Variants in TWIST2 observed in about 807,000 individuals in gnomAD.
TWIST2 encodes twist-related protein 2.
TWIST2 carries 1 observed loss-of-function variant against 11.6 expected under a neutral mutation model. That is an observed-to-expected ratio of 0.09 (90% CI 0.03 to 0.41). TWIST2 has a LOEUF of 0.41. Among genes scored for constraint, TWIST2 ranks in the 10% least tolerant of loss-of-function variants. The pLI is 0.98. For synonymous variants in TWIST2, 87 were observed against 96.6 expected (o/e 0.90, Z 0.58); for missense variants, 168 against 226.4 (o/e 0.74, Z 1.66).
intron 1 of TWIST2, among the ~76,000 whole-genome samples, chr2:238,899,481 G>A (rs1331561449): frequency 2.6e-5 from 4 of 152,208 alleles, no homozygotes; most frequent in Non-Finnish European, 5.9e-5. Context: ...TGGAAACTGA[G>A]AGCTGGACAG....
chr2:238,878,365 T>C (rs914123173), intron 1 of TWIST2, among the ~76,000 whole-genome samples: 1 of 152,186 alleles, frequency 6.6e-6, no homozygotes, highest in African/African-American at 2.4e-5. Context: ...TTTCCTACAA[T>C]TTTCTAATCT....
At chr2:238,880,776 TGTTA>T (rs1692906452) in intron 1 of TWIST2, among the ~76,000 whole-genome samples, 1 of 120,314 alleles carries the variant, frequency 8.3e-6, no homozygotes, top group African/African-American at 3.3e-5. Context: ...TTAGTGTCAG[TGTTA>T]GTATTAGTGT....
chr2:238,892,647 A>T (rs902584215), intron 1 of TWIST2, among the ~76,000 whole-genome samples: 1 of 151,514 alleles, frequency 6.6e-6, no homozygotes, highest in Non-Finnish European at 1.5e-5. Context: ...CGCCTGGCTA[A>T]TTTTTTGTAT....
chr2:238,855,781 T>C (rs929302933), intron 1 of TWIST2, among the ~76,000 whole-genome samples: 2 of 152,074 alleles, frequency 1.3e-5, no homozygotes, highest in African/African-American at 4.8e-5. Flanking sequence ...AGACTGTAAA[T>C]ACAGAATGGC....
intron 1 of TWIST2, among the ~76,000 whole-genome samples, chr2:238,882,602 C>T (rs1692957652): frequency 6.6e-6 from 1 of 152,096 alleles, no homozygotes; most frequent in African/African-American, 2.4e-5. Context: ...CCGACTCACA[C>T]TCCAGCTTAG....
In TWIST2 at chr2:238,866,440, C is replaced by T. The variant is rs1305037610; in HGVS notation, c.*35+17707C>T. Among the ~76,000 whole-genome samples, 3 of 152,254 alleles carry T rather than the reference C, an allele frequency of 2.0e-5. No individual in the cohort carries two copies. The highest frequency in any genetic ancestry group is 1.9e-4 in the East Asian group (1 of 5,164). On this transcript the variant is annotated intron_variant, in intron 1 of 1. Transcript: ENST00000612363. The surrounding 1 kb of genome is among the most constrained non-coding windows in gnomAD (Gnocchi z 4.9). The stretch of plus-strand genomic sequence containing the variant: ...TTGGGAGGCTGAGGCAGGCAGATCA[C>T]GAGGTCAGGAATTCGAGACCAGCCT...
intron 1 of TWIST2, among the ~76,000 whole-genome samples, chr2:238,893,729 G>T (rs1693175031): frequency 6.6e-6 from 1 of 152,220 alleles, no homozygotes; most frequent in African/African-American, 2.4e-5. Flanking sequence ...CCGATCGCCG[G>T]CCGCCATTGT....
intron 1 of TWIST2, among the ~76,000 whole-genome samples, chr2:238,907,006 C>T (rs1047080475): frequency 2.6e-5 from 4 of 152,220 alleles, no homozygotes; most frequent in Non-Finnish European, 4.4e-5. Flanking sequence ...AGCACTTACA[C>T]GGCCAGGCCC....
At chr2:238,896,162 GGGATCCGGAAGAC>G (rs1343504114) in intron 1 of TWIST2, among the ~76,000 whole-genome samples, 1 of 152,178 alleles carries the variant, frequency 6.6e-6, no homozygotes, top group Non-Finnish European at 1.5e-5. Flanking sequence ...GAGAGGGGCG[GGGATCCGGAAGAC>G]GGCTCCGCAG....
intron 1 of TWIST2, among the ~76,000 whole-genome samples, chr2:238,876,589 T>C (rs552285862): frequency 3.9e-5 from 6 of 152,320 alleles, no homozygotes; most frequent in African/African-American, 1.4e-4. Context: ...CTGTCAGGGA[T>C]AGGAGAAACT....
intron 1 of TWIST2, among the ~76,000 whole-genome samples, chr2:238,856,106 C>T (rs36132310): frequency 0.11 from 16,143 of 151,910 alleles, 1,478 homozygotes; most frequent in East Asian, 0.49. Flanking sequence ...CCAGGACTGG[C>T]GTTTTATGGC....
chr2:238,862,786 G>A (rs1378377151), intron 1 of TWIST2, among the ~76,000 whole-genome samples: 1 of 152,234 alleles, frequency 6.6e-6, no homozygotes, highest in Admixed American at 6.5e-5. Context: ...AAATTAAAAT[G>A]TCCTGGGAAA....
chr2:238,876,610 A>C (rs1305247630), intron 1 of TWIST2, among the ~76,000 whole-genome samples: 1 of 152,244 alleles, frequency 6.6e-6, no homozygotes, highest in African/African-American at 2.4e-5. Flanking sequence ...CTCTCTCAGT[A>C]GGAGCTTAGA....
At chr2:238,901,733 C>T (rs886992179) in intron 1 of TWIST2, among the ~76,000 whole-genome samples, 40 of 152,140 alleles carry the variant, frequency 2.6e-4, no homozygotes, top group East Asian at 1.9e-4. Flanking sequence ...TGAAGGACCG[C>T]GCCCACCAGG....
At chr2:238,851,356 A>G (rs1453412679) in intron 1 of TWIST2, among the ~76,000 whole-genome samples, 1 of 152,216 alleles carries the variant, frequency 6.6e-6, no homozygotes, top group African/African-American at 2.4e-5. Context: ...AGTTGGATTC[A>G]TCTAATAGAA....
chr2:238,870,104 A>G (rs1212104771), intron 1 of TWIST2, among the ~76,000 whole-genome samples: 1 of 101,134 alleles, frequency 9.9e-6, no homozygotes, highest in Non-Finnish European at 2.0e-5. Flanking sequence ...TGGTGTGTAC[A>G]CAGACACACC....
intron 1 of TWIST2, among the ~76,000 whole-genome samples, chr2:238,870,185 CAT>C (rs1307527355): frequency 0.1 from 452 of 4,446 alleles, 85 homozygotes; most frequent in Non-Finnish European, 0.14. Flanking sequence ...CCCACACACA[CAT>C]CACATACCAC....
At chr2:238,895,820 G>C (rs946091130) in intron 1 of TWIST2, among the ~76,000 whole-genome samples, 14,627 of 152,128 alleles carry the variant, frequency 0.096, 697 homozygotes, top group Non-Finnish European at 0.11. Flanking sequence ...CAGTGATGCT[G>C]GGGGCTCCAA....
At chr2:238,852,578 A>G (rs1415167406) in intron 1 of TWIST2, among the ~76,000 whole-genome samples, 1 of 152,244 alleles carries the variant, frequency 6.6e-6, no homozygotes, top group Non-Finnish European at 1.5e-5. Flanking sequence ...ATGAAACACT[A>G]CAAACAGAAA....
Sources: gnomAD v4.1 joint callset for allele counts (sites outside exome capture counted in the v4.1 genomes callset) on GRCh38, gnomAD v4.1.1 for gene constraint, Gnocchi (gnomAD v3.1) non-coding constraint, MANE v1.5 for transcripts, NCBI Gene and HGNC (gene_info 2026-07-23, HGNC 2026-07-21) for gene names.